Variants in WDR49 observed in about 807,000 individuals in gnomAD.
WDR49 encodes the protein WD repeat domain 49, also known as cilia- and flagella-associated protein 337.
In WDR49, 107 loss-of-function variants were observed where a neutral mutation model predicts 119.5. That is an observed-to-expected ratio of 0.90 (90% CI 0.77 to 1.05). WDR49 has a LOEUF of 1.05. WDR49 is among the 50% of genes least tolerant of loss of function. The pLI, the probability that WDR49 is intolerant of heterozygous loss-of-function variation, is 0.00. For synonymous variants in WDR49, 425 were observed against 418.8 expected, an observed-to-expected ratio of 1.01 and a Z score of -0.18; for missense variants, 1,240 against 1,220.5, an observed-to-expected ratio of 1.02 and a Z score of -0.24.
In WDR49 at chr3:167,562,294, G is replaced by T. The variant is rs1027150548; in HGVS notation, c.1510-2066C>A. On this transcript the variant is annotated intron_variant, in intron 8 of 18. Coordinates refer to ENST00000682715, the MANE Select transcript of WDR49 (RefSeq NM_001366157.1). The stretch of plus-strand genomic sequence containing the variant: ...TTGGGAGGACCATTTGGAGGCTTCA[G>T]ACTAGTCCAGGTAAGAGATTCTCAA... Among the ~76,000 whole-genome samples the T allele has an allele frequency of 9.2e-5, 14 of 152,226 alleles. No homozygotes were observed. In the East Asian group the frequency reaches 2.3e-3, roughly 25 times the overall value.
At chr3:167,598,514 C>G (rs1047297521) in intron 7 of WDR49, among the ~76,000 whole-genome samples, 9 of 151,996 alleles carry the variant, frequency 5.9e-5, no homozygotes, top group African/African-American at 2.2e-4. Context: ...CTCATGAGAT[C>G]TTATTGTTTA....
In WDR49 at chr3:167,602,852, A is replaced by T. The variant is rs1020953422; in HGVS notation, c.1127-577T>A. ...TTTACTGTACCTTTTATATGTTTAG[A>T]TACATAAATACCATTGTGTTACAGT... On this transcript the variant is annotated intron_variant, in intron 6 of 18. Coordinates refer to ENST00000682715, the MANE Select transcript of WDR49 (RefSeq NM_001366157.1). Among the ~76,000 whole-genome samples, 4 of 152,276 alleles carry T rather than the reference A, an allele frequency of 2.6e-5. No individual in the cohort carries two copies. In the South Asian group the frequency reaches 8.3e-4, roughly 32 times the overall value.
intron 2 of WDR49, among the ~76,000 whole-genome samples, chr3:167,630,355 T>G (rs542346353): frequency 4.6e-5 from 7 of 152,278 alleles, no homozygotes; most frequent in African/African-American, 1.7e-4. Flanking sequence ...CTTTTTTAGA[T>G]ATGTGCTATT....
At chr3:167,534,386 A>G (rs1320139365) in intron 11 of WDR49, among the ~76,000 whole-genome samples, 1 of 152,104 alleles carries the variant, frequency 6.6e-6, no homozygotes, top group Non-Finnish European at 1.5e-5. Flanking sequence ...ATACAACGGT[A>G]TTTACTAATA....
upstream of WDR49, among the ~76,000 whole-genome samples, chr3:167,655,641 G>T (rs965984926): frequency 6.6e-6 from 1 of 152,172 alleles, no homozygotes; most frequent in African/African-American, 2.4e-5. Context: ...GCTCATGCCT[G>T]TAATTCCATA....
intron 16 of WDR49, among the ~76,000 whole-genome samples, chr3:167,519,060 C>G (rs908191687): frequency 1.3e-5 from 2 of 151,992 alleles, no homozygotes; most frequent in African/African-American, 4.8e-5. Context: ...AAATGCAAAT[C>G]AAAACCACAG....
intron 3 of WDR49, among the ~76,000 whole-genome samples, chr3:167,624,803 T>G (rs1260229732): frequency 2.0e-5 from 3 of 152,084 alleles, no homozygotes; most frequent in Non-Finnish European, 4.4e-5. Flanking sequence ...TCATCTGGAC[T>G]AGAACTATCT....
intron 16 of WDR49, among the ~76,000 whole-genome samples, chr3:167,514,537 C>T (rs1296628950): frequency 6.6e-6 from 1 of 151,490 alleles, no homozygotes; most frequent in Non-Finnish European, 1.5e-5. Flanking sequence ...AACATCACAA[C>T]TAATGAACTA....
intron 2 of WDR49, among the ~76,000 whole-genome samples, chr3:167,648,729 A>C (rs2108347045): frequency 6.6e-6 from 1 of 152,284 alleles, no homozygotes; most frequent in South Asian, 2.1e-4. Flanking sequence ...GACCACAGAA[A>C]ACATTCCCTA....
chr3:167,656,299 T>G (rs1302364231), upstream of WDR49, among the ~76,000 whole-genome samples: 1 of 152,214 alleles, frequency 6.6e-6, no homozygotes, highest in Non-Finnish European at 1.5e-5. Context: ...TTTGTCTTCT[T>G]ATCACCCTAG....
At chr3:167,566,329 C>CAAAGTTTTTGT in intron 8 of WDR49, among the ~76,000 whole-genome samples, 1 of 152,120 alleles carries the variant, frequency 6.6e-6, no homozygotes, top group Non-Finnish European at 1.5e-5. Context: ...CTGCTGGAAC[C>CAAAGTTTTTGT]AACCTAAATG....
upstream of WDR49, among the ~76,000 whole-genome samples, chr3:167,655,409 T>C (rs965074500): frequency 3.3e-5 from 5 of 152,198 alleles, no homozygotes; most frequent in Non-Finnish European, 2.9e-5. Context: ...AACTAAAAAG[T>C]TGGCATTACA....
rs971202846 is a variant in WDR49, at chr3:167,638,238, C to A, written c.166-10946G>T. Among the ~76,000 whole-genome samples the A allele has an allele frequency of 4.0e-5, 6 of 151,460 alleles. 1 individual carries two copies. In the East Asian group the frequency reaches 7.8e-4, roughly 20 times the overall value. Reference sequence around the variant, plus strand: ...TTTATTTCAGATCATTAGAATCCTGCAATGCTTTTTTCTCTACATGAAAAA... The same window carrying A: ...TTTATTTCAGATCATTAGAATCCTGAAATGCTTTTTTCTCTACATGAAAAA... On this transcript the variant is annotated intron_variant, in intron 2 of 18. Coordinates refer to ENST00000682715, the MANE Select transcript of WDR49 (RefSeq NM_001366157.1).
At chr3:167,657,125 C>A (rs539148806), upstream of WDR49, among the ~76,000 whole-genome samples, 60 of 152,210 alleles carry the variant, frequency 3.9e-4, no homozygotes, top group Middle Eastern at 0.017. Context: ...TAAATATAGA[C>A]CTTCCTTTTA....
At chr3:167,585,840 T>C (rs1714784650) in intron 7 of WDR49, among the ~76,000 whole-genome samples, 1 of 152,070 alleles carries the variant, frequency 6.6e-6, no homozygotes, top group Non-Finnish European at 1.5e-5. Flanking sequence ...AGTTATTCCT[T>C]GGGAAAGAAA....
At chr3:167,544,296 C>T (rs569057920) in intron 10 of WDR49, among the ~76,000 whole-genome samples, 10 of 151,948 alleles carry the variant, frequency 6.6e-5, no homozygotes, top group African/African-American at 2.4e-4. Context: ...TCATTCTTCA[C>T]AGAATTAGAA....
At chr3:167,643,058 C>A (rs1236574531) in intron 2 of WDR49, among the ~76,000 whole-genome samples, 1 of 151,970 alleles carries the variant, frequency 6.6e-6, no homozygotes, top group South Asian at 2.1e-4. Flanking sequence ...TTAAAAATCA[C>A]CATTTTTCAA....
At chr3:167,573,319 G>A (rs1019082611) in intron 8 of WDR49, among the ~76,000 whole-genome samples, 17 of 151,426 alleles carry the variant, frequency 1.1e-4, no homozygotes, top group African/African-American at 4.1e-4. Flanking sequence ...CAGCAGTTCT[G>A]AAAACTTTTG....
At chr3:167,532,197 A>G (rs1227474557) in intron 12 of WDR49, among the ~76,000 whole-genome samples, 4 of 152,148 alleles carry the variant, frequency 2.6e-5, no homozygotes, top group Non-Finnish European at 5.9e-5. Context: ...CTAAAGTTCA[A>G]TTCAGCCTCT....
Sources: allele counts gnomAD v4.1 joint callset (sites outside exome capture counted in the v4.1 genomes callset), GRCh38; gene constraint gnomAD v4.1.1; transcripts MANE v1.5; gene names NCBI Gene and HGNC (gene_info 2026-07-23, HGNC 2026-07-21).